The following RGS6 variants were observed in gnomAD, a reference collection of about 807,000 sequenced individuals.
The protein encoded by RGS6 is regulator of G-protein signaling 6.
Under a neutral mutation model 78.5 loss-of-function variants are expected in RGS6, and 30 were observed. That is an observed-to-expected ratio of 0.38 (90% confidence interval 0.29 to 0.52). RGS6 has a LOEUF of 0.52. Ranked by LOEUF, RGS6 falls within the 20% of genes least tolerant of loss-of-function variation. The pLI is 0.85. For missense variants in RGS6, 495 were observed against 609.7 expected, an observed-to-expected ratio of 0.81 and a Z score of 1.98; for synonymous variants, 206 against 206.0, an observed-to-expected ratio of 1.00 and a Z score of 0.00.
At chr14:72,194,109 T>A (rs759130121) in intron 2 of RGS6, among the ~76,000 whole-genome samples, 1 of 151,866 alleles carries the variant, frequency 6.6e-6, no homozygotes, top group Non-Finnish European at 1.5e-5. Flanking sequence ...GGTGACTGGA[T>A]TGGGGTGTTG....
In RGS6 at chr14:72,325,305, C is replaced by T. The variant is rs1295777426; in HGVS notation, c.85-26790C>T. On this transcript the variant is annotated intron_variant, in intron 2 of 17. Transcript: ENST00000553525. The stretch of plus-strand genomic sequence containing the variant: ...ACGTTTTCTCCCATTCTGTATGTTG[C>T]CTGTTCACTCTGATGGTAGTTTCTT... Among the ~76,000 whole-genome samples, 4 of 152,118 alleles carry T rather than the reference C, an allele frequency of 2.6e-5. No homozygotes were observed. The East Asian group carries it at 7.7e-4, about 29-fold the overall frequency.
intron 2 of RGS6, among the ~76,000 whole-genome samples, chr14:72,214,366 T>C (rs559396158): frequency 1.3e-5 from 2 of 152,044 alleles, no homozygotes; most frequent in African/African-American, 4.8e-5. Context: ...TTGATGGAGA[T>C]GGAGTTTCAC....
chr14:71,923,165 A>C, the RGS6 span, among the ~76,000 whole-genome samples: 1 of 152,224 alleles, frequency 6.6e-6, no homozygotes, highest in African/African-American at 2.4e-5. Context: ...AGTCTAATGA[A>C]GATCCACTCT....
In RGS6 at chr14:72,403,491, C is replaced by T. The variant is rs540518639; in HGVS notation, c.185-51037C>T. The stretch of plus-strand genomic sequence containing the variant: ...AGATGGAGAGGTTGGTTCAAGGTTA[C>T]AAAATTATAGCCAGATCAGAGGAAT... On this transcript the variant is annotated intron_variant, in intron 3 of 17. Coordinates refer to ENST00000553525, the MANE Select transcript of RGS6 (RefSeq NM_001204424.2). 1.9e-3 allele frequency among the ~76,000 whole-genome samples: 285 copies of T among 152,234 alleles called. 2 individuals are homozygous for T. The highest frequency in any genetic ancestry group is 6.7e-3 in the African/African-American group (279 of 41,542).
chr14:72,575,330 T>G, the RGS6 span, among the ~76,000 whole-genome samples: 1 of 152,058 alleles, frequency 6.6e-6, no homozygotes, highest in Non-Finnish European at 1.5e-5. Context: ...TTACTCAGAA[T>G]GACAGCAGAA....
At chr14:72,471,769 A>C (rs2096083196) in intron 8 of RGS6, among the ~76,000 whole-genome samples, 1 of 152,198 alleles carries the variant, frequency 6.6e-6, no homozygotes, top group South Asian at 2.1e-4. Flanking sequence ...GGTGCCCCCG[A>C]AGAGGTGCAG....
intron 2 of RGS6, among the ~76,000 whole-genome samples, chr14:71,993,492 TC>T (rs2095057022): frequency 6.6e-6 from 1 of 152,196 alleles, no homozygotes; most frequent in South Asian, 2.1e-4. Context: ...TTATATTATT[TC>T]ATCGGATCTT....
At chr14:72,448,729 AC>A (rs1319856767) in intron 3 of RGS6, among the ~76,000 whole-genome samples, 2 of 152,158 alleles carry the variant, frequency 1.3e-5, no homozygotes, top group Non-Finnish European at 2.9e-5. Flanking sequence ...CAGGAAAAAA[AC>A]TGAATACATA....
intron 2 of RGS6, among the ~76,000 whole-genome samples, chr14:72,106,381 G>A (rs1226903669): frequency 6.6e-6 from 1 of 152,168 alleles, no homozygotes; most frequent in African/African-American, 2.4e-5. Flanking sequence ...AAACTATGGA[G>A]GTGGGGTGTT....
At chr14:72,418,257 C>A (rs1044867832) in intron 3 of RGS6, among the ~76,000 whole-genome samples, 2 of 152,036 alleles carry the variant, frequency 1.3e-5, no homozygotes, top group African/African-American at 4.8e-5. Context: ...ACCTCCACCT[C>A]CCGGGTTCAA....
At chr14:72,542,756 G>A (rs1416502942) in intron 17 of RGS6, among the ~76,000 whole-genome samples, 1 of 151,824 alleles carries the variant, frequency 6.6e-6, no homozygotes, top group Admixed American at 6.6e-5. Context: ...CCCAGAACAT[G>A]CCAATGTCCT....
At chr14:72,342,439 A>G (rs1051948326) in intron 2 of RGS6, among the ~76,000 whole-genome samples, 1 of 151,930 alleles carries the variant, frequency 6.6e-6, no homozygotes, top group Non-Finnish European at 1.5e-5. Context: ...GGTGGCACAC[A>G]CATGTAATCC....
At chr14:72,174,013 G>A (rs948483374) in intron 2 of RGS6, among the ~76,000 whole-genome samples, 2 of 152,154 alleles carry the variant, frequency 1.3e-5, no homozygotes, top group African/African-American at 2.4e-5. Flanking sequence ...CGAGTATGCG[G>A]TAAGGGGGCA....
At chr14:71,901,603 A>G in the RGS6 span, among the ~76,000 whole-genome samples, 9 of 152,172 alleles carry the variant, frequency 5.9e-5, no homozygotes, top group Non-Finnish European at 1.3e-4. Context: ...TCAGATGCCA[A>G]ATGAATGGCT....
the RGS6 span, among the ~76,000 whole-genome samples, chr14:72,625,638 C>T: frequency 6.6e-6 from 1 of 152,298 alleles, no homozygotes; most frequent in East Asian, 1.9e-4. Context: ...CCAGCCAACA[C>T]AGCTAGGAAA....
intron 17 of RGS6, chr14:72,540,552 C>G (rs746886373): frequency 1.3e-6 from 2 of 1,562,722 alleles, no homozygotes; most frequent in Non-Finnish European, 1.7e-6. Context: ...CGGTGTGGGT[C>G]GCGAGCTAAT....
chr14:72,560,797 C>CGTATGT (rs2097663160), intron 17 of RGS6, among the ~76,000 whole-genome samples: 1 of 141,224 alleles, frequency 7.1e-6, no homozygotes, highest in Admixed American at 7.1e-5. Context: ...ATTTTGTGGA[C>CGTATGT]GTGTGTGTGT....
At chr14:72,298,154 TTTTC>T (rs943754149) in intron 2 of RGS6, among the ~76,000 whole-genome samples, 1 of 152,094 alleles carries the variant, frequency 6.6e-6, no homozygotes, top group African/African-American at 2.4e-5. Flanking sequence ...GAGGGAAGTT[TTTTC>T]TTTCTTATGG....
chr14:72,373,058 G>A (rs2083848906), intron 3 of RGS6, among the ~76,000 whole-genome samples: 1 of 152,132 alleles, frequency 6.6e-6, no homozygotes. Context: ...GCATCATCAT[G>A]GAGACAGAAG....
Sources: allele counts gnomAD v4.1 joint callset (sites outside exome capture counted in the v4.1 genomes callset), GRCh38; gene constraint gnomAD v4.1.1; transcripts MANE v1.5; gene names NCBI Gene and HGNC (gene_info 2026-07-23, HGNC 2026-07-21).